COL23A1: variants seen among roughly 807,000 people sequenced by gnomAD.
COL23A1 encodes the protein collagen type XXIII alpha 1 chain, also known as collagen alpha-1(XXIII) chain.
Under a neutral mutation model 99.3 loss-of-function variants are expected in COL23A1, and 97 were observed. That is an observed-to-expected ratio of 0.98 (90% CI 0.83 to 1.16). COL23A1 has a LOEUF of 1.16. Ranked by LOEUF, COL23A1 falls within the 50% of genes most tolerant of loss-of-function variation. COL23A1 has a pLI of 0.00. For missense variants in COL23A1, 762 were observed against 757.4 expected (o/e 1.01, Z -0.07); for synonymous variants, 320 against 308.2 (o/e 1.04, Z -0.40).
intron 7 of COL23A1, among the ~76,000 whole-genome samples, chr5:178,267,585 C>G (rs1755977783): frequency 6.6e-6 from 1 of 152,158 alleles, no homozygotes; most frequent in African/African-American, 2.4e-5. Flanking sequence ...ATCTAGGGGG[C>G]AGCCCCAGCC....
chr5:178,272,878 G>A (rs2127566941), intron 5 of COL23A1, among the ~76,000 whole-genome samples: 1 of 152,260 alleles, frequency 6.6e-6, no homozygotes, highest in Middle Eastern at 3.4e-3. Flanking sequence ...TCTTCAAGGA[G>A]CTCTTCGTGG....
intron 2 of COL23A1, among the ~76,000 whole-genome samples, chr5:178,539,515 C>T (rs1408436377): frequency 3.6e-5 from 5 of 139,088 alleles, no homozygotes; most frequent in South Asian, 4.6e-4. Context: ...CATTGCACTC[C>T]GGCCTGGGTG....
chr5:178,270,186 G>C (rs1456224660), intron 6 of COL23A1, 151 bp downstream of exon 6: 2 of 859,854 alleles, frequency 2.3e-6, no homozygotes, highest in Non-Finnish European at 3.7e-6. Context: ...AGTGGAGTTA[G>C]ATTTGAACTC....
chr5:178,249,810 C>A (rs1341697855), intron 18 of COL23A1, among the ~76,000 whole-genome samples: 1 of 149,352 alleles, frequency 6.7e-6, no homozygotes, highest in Non-Finnish European at 1.5e-5. Context: ...ACATGCCAGG[C>A]ACTGCACTGA....
chr5:178,317,035 CTAA>C lies in COL23A1; in HGVS notation c.362-10119_362-10117del, dbSNP rs545969800. 5.9e-5 allele frequency among the ~76,000 whole-genome samples: 9 copies of C among 152,226 alleles called. No individual in the cohort carries two copies. In the South Asian group the frequency reaches 1.9e-3, roughly 32 times the overall value. ...GTTAATATTTATTAAAAAACTCAGACTAATGTTTGACACAGTAAATGCTAAAGA... is the reference window on the plus strand; with the variant it reads ...GTTAATATTTATTAAAAAACTCAGACTGTTTGACACAGTAAATGCTAAAGA... On this transcript the variant is annotated intron_variant, in intron 2 of 28. Coordinates refer to ENST00000390654, the MANE Select transcript of COL23A1 (RefSeq NM_173465.4).
At chr5:178,473,555 C>A (rs946383850) in intron 2 of COL23A1, among the ~76,000 whole-genome samples, 1 of 150,170 alleles carries the variant, frequency 6.7e-6, no homozygotes, top group African/African-American at 2.5e-5. Context: ...CTCAAGCAAA[C>A]CACCCACTTC....
chr5:178,346,976 T>C (rs17580218), intron 2 of COL23A1, among the ~76,000 whole-genome samples: 51,197 of 152,052 alleles, frequency 0.34, 9,906 homozygotes, highest in Middle Eastern at 0.49. Context: ...GCAAAAATCA[T>C]TGGTGGGTCT....
chr5:178,444,866 TC>T (rs1212849349), intron 2 of COL23A1, among the ~76,000 whole-genome samples: 6 of 152,188 alleles, frequency 3.9e-5, no homozygotes. Context: ...GCTTTAGTTT[TC>T]CCCGTAGGTG....
intron 2 of COL23A1, among the ~76,000 whole-genome samples, chr5:178,357,358 C>CG (rs540026429): frequency 6.6e-6 from 1 of 152,160 alleles, no homozygotes; most frequent in South Asian, 2.1e-4. Context: ...CCCCTGGGGT[C>CG]GGGGGGTCAG....
At chr5:178,517,991 A>C (rs1759652438) in intron 2 of COL23A1, among the ~76,000 whole-genome samples, 1 of 128,944 alleles carries the variant, frequency 7.8e-6, no homozygotes, top group South Asian at 2.7e-4. Flanking sequence ...GAATGTCAGC[A>C]GATAAACAAG....
At chr5:178,530,851 A>T (rs1760606902) in intron 2 of COL23A1, among the ~76,000 whole-genome samples, 1 of 152,180 alleles carries the variant, frequency 6.6e-6, no homozygotes, top group South Asian at 2.1e-4. Context: ...AATGAAATAG[A>T]AGATTCATGA....
chr5:178,459,147 C>G (rs1055298963), intron 2 of COL23A1, among the ~76,000 whole-genome samples: 1 of 152,184 alleles, frequency 6.6e-6, no homozygotes, highest in Non-Finnish European at 1.5e-5. Context: ...AATCATGAAA[C>G]AGTTGGGGAA....
At chr5:178,579,567 C>T (rs925627683) in intron 1 of COL23A1, among the ~76,000 whole-genome samples, 2 of 152,158 alleles carry the variant, frequency 1.3e-5, no homozygotes, top group Non-Finnish European at 2.9e-5. Context: ...GATTCTCCTG[C>T]CTCAGCTTCC....
chr5:178,551,359 A>G (rs1473112564), intron 2 of COL23A1, among the ~76,000 whole-genome samples: 1 of 152,032 alleles, frequency 6.6e-6, no homozygotes, highest in Non-Finnish European at 1.5e-5. Flanking sequence ...TATAATTGAT[A>G]GACTCAGGTG....
intron 2 of COL23A1, among the ~76,000 whole-genome samples, chr5:178,494,972 A>T (rs547246422): frequency 6.6e-6 from 1 of 152,204 alleles, no homozygotes; most frequent in African/African-American, 2.4e-5. Context: ...GTGAGGGTAC[A>T]GAGTTTTCAG....
intron 2 of COL23A1, chr5:178,344,842 G>C: frequency 1.3e-6 from 1 of 742,756 alleles, no homozygotes; most frequent in South Asian, 1.3e-5. Flanking sequence ...TCTCATTGAA[G>C]ATGGCGGGGC....
chr5:178,381,840 TGC>T (rs1002970359), intron 2 of COL23A1, among the ~76,000 whole-genome samples: 20 of 152,242 alleles, frequency 1.3e-4, no homozygotes, highest in African/African-American at 4.8e-4. Flanking sequence ...TTCCCTCTAT[TGC>T]CCTCACTGTT....
intron 2 of COL23A1, among the ~76,000 whole-genome samples, chr5:178,405,425 C>T (rs1028074315): frequency 6.6e-6 from 1 of 152,184 alleles, no homozygotes; most frequent in Admixed American, 6.5e-5. Flanking sequence ...TGTAAATCTC[C>T]AGATGGCAAG....
chr5:178,388,061 T>C (rs762988965), intron 2 of COL23A1, among the ~76,000 whole-genome samples: 3 of 152,154 alleles, frequency 2.0e-5, no homozygotes, highest in Non-Finnish European at 4.4e-5. Context: ...CACGGTGTGA[T>C]TCTTCCAGTA....
Sources: gnomAD v4.1 joint callset for allele counts (sites outside exome capture counted in the v4.1 genomes callset) on GRCh38, gnomAD v4.1.1 for gene constraint, MANE v1.5 for transcripts, NCBI Gene and HGNC (gene_info 2026-07-23, HGNC 2026-07-21) for gene names.